CDHR2: variants seen among roughly 807,000 people sequenced by gnomAD.
CDHR2 encodes cadherin-related family member 2.
A neutral mutation model predicts 138.6 loss-of-function variants in CDHR2; 104 were observed. That is an observed-to-expected ratio of 0.75 (90% CI 0.64 to 0.88). The LOEUF (loss-of-function observed/expected upper bound fraction) is 0.88, where lower values mean the gene tolerates loss of function less well. CDHR2 is among the 40% of genes least tolerant of loss of function. The pLI, the probability that CDHR2 is intolerant of heterozygous loss-of-function variation, is 0.00. For synonymous variants in CDHR2, 755 were observed against 742.8 expected, an observed-to-expected ratio of 1.02 and a Z score of -0.27; for missense variants, 1,624 against 1,727.6, an observed-to-expected ratio of 0.94 and a Z score of 1.06.
At chr5:176,551,230 C>T (rs997301446) in intron 1 of CDHR2, among the ~76,000 whole-genome samples, 1 of 152,062 alleles carries the variant, frequency 6.6e-6, no homozygotes, top group Non-Finnish European at 1.5e-5. Context: ...TGCAGTGGTG[C>T]GATCTCAGTT....
In CDHR2 at chr5:176,578,589, A is replaced by G. The variant is rs369854617; in HGVS notation, c.1799A>G (p.Asn600Ser). The G allele has an allele frequency of 1.2e-6, 2 of 1,612,092 alleles. No homozygotes were observed. Among genetic ancestry groups the G allele is most frequent in the Admixed American group, 1.7e-5 (1 of 59,992 alleles). ...YNIFVQEEEG[N>S]VSVTIQAHDN... ...ATCTTCGTCCAGGAGGAGGAGGGCA[A>G]TGTCTCCGTGACCATCCAGGTGTGA... The change falls in exon 16 of 32, where the codon AAT becomes AGT. Residue 600 changes from asparagine to serine, a missense_variant. Physicochemically the swap from Asn to Ser is conservative, Grantham distance 46. Transcript: ENST00000261944.
Position 176,595,806 on chromosome 5 carries a change from G to A in CDHR2, c.*134G>A. 1 of 910,830 alleles carries A rather than the reference G, an allele frequency of 1.1e-6. No homozygotes were observed. The highest frequency in any genetic ancestry group is 1.6e-6 in the Non-Finnish European group (1 of 641,684). The allele number at this position is 910,830 out of a possible 1,614,324, so 56.4% of individuals were successfully genotyped here. On this transcript the variant is annotated 3_prime_UTR_variant, in exon 32 of 32. Transcript: ENST00000261944. The stretch of plus-strand genomic sequence containing the variant: ...GCCAATCACGGCAGACAGGGGTTGG[G>A]GAAATATTTTATTACCAATGTATAC...
intron 7 of CDHR2, 105 bp from the exon 8 acceptor site, chr5:176,574,979 T>G: frequency 7.1e-7 from 1 of 1,404,630 alleles, no homozygotes; most frequent in Non-Finnish European, 9.8e-7. Flanking sequence ...GCCAGTGGCG[T>G]GACTGGTCAG....
Position 176,571,313 on chromosome 5 carries a change from C to A in CDHR2, c.405+11C>A. ...ACCAGCATCAACGAGGTGACACCTG[C>A]CTTAATGTGGTTGTGGGGCAGGGGG... On this transcript the variant is annotated intron_variant, in intron 6 of 31. Transcript: ENST00000261944. 1 of 1,593,856 alleles carries A rather than the reference C, an allele frequency of 6.3e-7. No individual in the cohort carries two copies. Among genetic ancestry groups the A allele is most frequent in the East Asian group, 2.3e-5 (1 of 43,452 alleles).
chr5:176,554,201 G>A (rs1757771030), intron 1 of CDHR2, among the ~76,000 whole-genome samples: 1 of 152,204 alleles, frequency 6.6e-6, no homozygotes. Flanking sequence ...AAGGTAGCAT[G>A]AGAAACAGCC....
In CDHR2 at chr5:176,562,449, G is replaced by C. The variant is rs181199263; in HGVS notation, c.-15-2889G>C. 6.9e-4 allele frequency among the ~76,000 whole-genome samples: 105 copies of C among 152,172 alleles called. No individual in the cohort carries two copies. The East Asian group carries it at 0.015, about 22-fold the overall frequency. On this transcript the variant is annotated intron_variant, in intron 1 of 31. Transcript: ENST00000261944. ...CCGAGGCTGGAACTCGGGAGGAGGG[G>C]TGGGCAGTGTGAGGGAGAGTTCTGG...
rs1247468461 is a variant in CDHR2, at chr5:176,576,996, G to A, written c.1195-403G>A. Reference sequence around the variant, plus strand: ...GATACTGAGGGGTTGGAAATGTTGCGTGGAGGACAGTGTCGGGTGGGGTTA... The same window carrying A: ...GATACTGAGGGGTTGGAAATGTTGCATGGAGGACAGTGTCGGGTGGGGTTA... On this transcript the variant is annotated intron_variant, in intron 12 of 31. Transcript: ENST00000261944. The surrounding 1 kb of genome is among the most constrained non-coding windows in gnomAD (Gnocchi z 4.5). Among the ~76,000 whole-genome samples the A allele has an allele frequency of 6.6e-6, 1 of 152,056 alleles. No homozygotes were observed. Among genetic ancestry groups the A allele is most frequent in the East Asian group, 1.9e-4 (1 of 5,170 alleles).
At chr5:176,585,157 C>T (rs1042902006) in intron 19 of CDHR2, 142 bp downstream of exon 19, 7 of 1,075,714 alleles carry the variant, frequency 6.5e-6, no homozygotes, top group African/African-American at 4.8e-5. Flanking sequence ...AAGTCCCAAA[C>T]CCTCTCCAAG....
At chr5:176,560,121 G>C (rs1233760394) in intron 1 of CDHR2, among the ~76,000 whole-genome samples, 1 of 152,218 alleles carries the variant, frequency 6.6e-6, no homozygotes, top group African/African-American at 2.4e-5. Flanking sequence ...AAATGGCTGG[G>C]CGCAGTGGCT....
chr5:176,584,234 C>A lies in CDHR2; in HGVS notation c.2103C>A (p.Asn701Lys), dbSNP rs764867177. ...NLPIFNQSSY[N>K]FTVKEEDPGV... ...CCATCTTCAATCAGTCCAGCTACAA[C>A]TTTACGGTGAAGGAGGAGGATCCAG... The change falls in exon 18 of 32, where the codon AAC becomes AAA. Residue 701 changes from asparagine (N) to lysine (K), a missense_variant. Around this residue, in one of 3 missense-constraint regions of CDHR2, gnomAD observed 1,061 missense variants for 1,136.6 expected, o/e 0.93. Coordinates refer to ENST00000261944, the MANE Select transcript of CDHR2 (RefSeq NM_017675.6). 6.2e-7 allele frequency: 1 copy of A among 1,614,138 alleles called. No homozygotes were observed.
At chr5:176,556,461 T>C (rs1014350917) in intron 1 of CDHR2, among the ~76,000 whole-genome samples, 3 of 152,124 alleles carry the variant, frequency 2.0e-5, no homozygotes, top group Admixed American at 2.0e-4. Context: ...GGTCAGGAGA[T>C]CGAGACCATC....
intron 28 of CDHR2, among the ~76,000 whole-genome samples, chr5:176,590,962 A>C (rs1266719786): frequency 6.6e-6 from 1 of 152,226 alleles, no homozygotes; most frequent in East Asian, 1.9e-4. Context: ...CTATGCGTTT[A>C]ATAGATGCTG....
At chr5:176,580,147 C>CACACACACACTT (rs1758493744) in intron 16 of CDHR2, among the ~76,000 whole-genome samples, 1 of 151,040 alleles carries the variant, frequency 6.6e-6, no homozygotes, top group Non-Finnish European at 1.5e-5. Flanking sequence ...CACACGCACT[C>CACACACACACTT]ACACACACAC....
chr5:176,582,453 T>C (rs1758553915), intron 17 of CDHR2, among the ~76,000 whole-genome samples: 1 of 144,518 alleles, frequency 6.9e-6, no homozygotes, highest in Admixed American at 6.9e-5. Flanking sequence ...CAGGCATAAG[T>C]CACTGAGCCC....
intron 5 of CDHR2, among the ~76,000 whole-genome samples, chr5:176,569,707 T>G (rs1758177797): frequency 6.6e-6 from 1 of 152,080 alleles, no homozygotes; most frequent in South Asian, 2.1e-4. Flanking sequence ...ACACTCTTAT[T>G]TCCCACTTTG....
Position 176,589,593 on chromosome 5 carries a change from C to T in CDHR2, c.3183C>T (p.Gly1061=), listed in dbSNP as rs1246629739. The change falls in exon 24 of 32, where the codon GGC becomes GGT. Residue 1061 remains glycine, a synonymous_variant. Transcript: ENST00000261944. ...TCTCCACACCGAAGGAGGAGGTGGG[C>T]GCCAACAGACAGGCGATTAATGCGT... The part of the protein sequence containing the change: ...LQFSTPKEEV[G]ANRQAINAAL... 10 of 1,613,884 alleles carry T rather than the reference C, an allele frequency of 6.2e-6. No homozygotes were observed. In the African/African-American group the frequency reaches 6.7e-5, roughly 11 times the overall value.
intron 1 of CDHR2, among the ~76,000 whole-genome samples, chr5:176,558,193 C>T (rs963321850): frequency 1.3e-5 from 2 of 149,324 alleles, no homozygotes; most frequent in South Asian, 2.1e-4. Context: ...ACTGGTTTTG[C>T]TTGCTTAGTT....
Position 176,574,966 on chromosome 5 carries a change from G to A in CDHR2, c.496-118G>A, listed in dbSNP as rs1758330004. ...GAGGCTCAGAGAGGTCATATGACCT[G>A]GTGCCAGTGGCGTGACTGGTCAGTG... On this transcript the variant is annotated intron_variant, in intron 7 of 31. Coordinates refer to ENST00000261944, the MANE Select transcript of CDHR2 (RefSeq NM_017675.6). 5.7e-6 allele frequency: 7 copies of A among 1,236,894 alleles called. No individual in the cohort carries two copies. In the South Asian group the frequency reaches 9.7e-5, roughly 17 times the overall value. The allele number at this position is 1,236,894 out of a possible 1,614,324, so 76.6% of individuals were successfully genotyped here. A position where few individuals can be genotyped will look rare whatever the true frequency, so the allele number is the denominator to read the frequency against.
chr5:176,565,066 G>A (rs6892858), intron 1 of CDHR2, among the ~76,000 whole-genome samples: 51,395 of 152,054 alleles, frequency 0.34, 10,538 homozygotes, highest in Non-Finnish European at 0.45. Flanking sequence ...GAATAACACA[G>A]CTGCACATCT....
Sources: gnomAD v4.1 joint callset for allele counts (sites outside exome capture counted in the v4.1 genomes callset) on GRCh38, gnomAD v4.1.1 for gene constraint, gnomAD v4.1.1 regional missense constraint, Gnocchi (gnomAD v3.1) non-coding constraint, MANE v1.5 for transcripts, NCBI Gene and HGNC (gene_info 2026-07-23, HGNC 2026-07-21) for gene names.